The following SERPINB12 variants were observed in gnomAD, a reference collection of about 807,000 sequenced individuals.
The protein encoded by SERPINB12 is serpin B12.
A neutral mutation model predicts 41.1 loss-of-function variants in SERPINB12; 57 were observed. The ratio of observed to expected loss-of-function variants is 1.39; its 90% CI spans 1.12 to 1.73. SERPINB12 has a LOEUF of 1.73. SERPINB12 is among the 40% of genes most tolerant of loss of function. The probability of loss-of-function intolerance (pLI) is 0.00; values close to 1 mark genes in which losing one functional copy is unlikely to be tolerated. For missense variants in SERPINB12, 536 were observed against 501.9 expected (o/e 1.07, Z -0.65); for synonymous variants, 180 against 181.3 (o/e 0.99, Z 0.06).
At chr18:63,540,403 A>G (rs1475989574), upstream of SERPINB12, among the ~76,000 whole-genome samples, 1 of 152,168 alleles carries the variant, frequency 6.6e-6, no homozygotes, top group Non-Finnish European at 1.5e-5. Flanking sequence ...TAGATATTCT[A>G]TGCTAAGGAA....
chr18:63,535,734 G>T, the SERPINB12 span, among the ~76,000 whole-genome samples: 1 of 152,210 alleles, frequency 6.6e-6, no homozygotes, highest in African/African-American at 2.4e-5. Flanking sequence ...GCTATGGTTG[G>T]GTAAGAGCAT....
At chr18:63,526,155 T>A in the SERPINB12 span, among the ~76,000 whole-genome samples, 11 of 152,188 alleles carry the variant, frequency 7.2e-5, no homozygotes, top group Non-Finnish European at 1.5e-4. Context: ...ATTTAAACAC[T>A]TATTTTTTTC....
At chr18:63,527,885 T>A in the SERPINB12 span, among the ~76,000 whole-genome samples, 1 of 152,182 alleles carries the variant, frequency 6.6e-6, no homozygotes, top group Non-Finnish European at 1.5e-5. Context: ...GGGAGGGATC[T>A]GGTGAGAGGT....
chr18:63,527,254 T>C, the SERPINB12 span, among the ~76,000 whole-genome samples: 1 of 152,224 alleles, frequency 6.6e-6, no homozygotes, highest in East Asian at 1.9e-4. Flanking sequence ...TTTTATTTTA[T>C]GGCAGACCAA....
intron 5 of SERPINB12, among the ~76,000 whole-genome samples, chr18:63,563,179 G>A (rs145665410): frequency 6.6e-6 from 1 of 152,352 alleles, no homozygotes; most frequent in East Asian, 1.9e-4. Flanking sequence ...GAATGAGAAA[G>A]AGCATATAAA....
intron 6 of SERPINB12, among the ~76,000 whole-genome samples, 171 bp from the exon 7 acceptor site, chr18:63,565,274 G>A (rs138077677): frequency 1.9e-3 from 291 of 152,240 alleles, no homozygotes; most frequent in African/African-American, 6.7e-3. Flanking sequence ...GCAAAGTAAG[G>A]GCCACTGATG....
At chr18:63,536,734 A>G in the SERPINB12 span, among the ~76,000 whole-genome samples, 1 of 152,168 alleles carries the variant, frequency 6.6e-6, no homozygotes, top group Non-Finnish European at 1.5e-5. Flanking sequence ...TGTGCTAGGT[A>G]CTACATGGTG....
At chr18:63,546,696 G>T (rs1910395620) in intron 1 of SERPINB12, among the ~76,000 whole-genome samples, 1 of 152,134 alleles carries the variant, frequency 6.6e-6, no homozygotes, top group Non-Finnish European at 1.5e-5. Flanking sequence ...TATAAAATTG[G>T]AAAGAGCAAA....
At chr18:63,559,552 T>C (rs760722563) in intron 3 of SERPINB12, 26 bp from the exon 4 acceptor site, 1 of 1,612,778 alleles carries the variant, frequency 6.2e-7, no homozygotes, top group Non-Finnish European at 8.5e-7. Flanking sequence ...ACAGTGAAGG[T>C]CACATTTTGT....
chr18:63,556,301 A>C lies in SERPINB12; in HGVS notation c.142A>C (p.Ser48Arg). The change falls in exon 2 of 8, where the codon AGT becomes CGT. Residue 48 changes from serine (S) to arginine (R), a missense_variant. By Grantham distance (110) the Ser-to-Arg change is moderately radical. Transcript: ENST00000382768. ...ALGMVRLGAR[S>R]DSAHQIDEVL... ...TGGTATGGTACGCTTGGGTGCTAGAAGTGACAGTGCACATCAGATTGATGA... is the reference window on the plus strand; with the variant it reads ...TGGTATGGTACGCTTGGGTGCTAGACGTGACAGTGCACATCAGATTGATGA... 1 of 1,614,062 alleles carries C rather than the reference A, an allele frequency of 6.2e-7. No homozygotes were observed. Among genetic ancestry groups the C allele is most frequent in the East Asian group, 2.2e-5 (1 of 44,878 alleles).
chr18:63,538,274 C>T (rs150032823), upstream of SERPINB12, among the ~76,000 whole-genome samples: 1,856 of 152,188 alleles, frequency 0.012, 31 homozygotes, highest in Admixed American at 0.036. Context: ...CAGAGTTGTA[C>T]AGCCATAACC....
At chr18:63,555,973 C>T (rs1263547537) in intron 1 of SERPINB12, among the ~76,000 whole-genome samples, 169 bp from the exon 2 acceptor site, 1 of 152,158 alleles carries the variant, frequency 6.6e-6, no homozygotes, top group African/African-American at 2.4e-5. Flanking sequence ...CTATCAATAT[C>T]AACACCAATA....
the SERPINB12 span, among the ~76,000 whole-genome samples, chr18:63,528,396 A>AAATAAATAAATT: frequency 1.0e-4 from 15 of 146,394 alleles, no homozygotes; most frequent in Non-Finnish European, 2.1e-4. Flanking sequence ...TGAGAGCAAT[A>AAATAAATAAATT]AATAAATAAA....
chr18:63,566,480 C>T (rs1911100988), intron 7 of SERPINB12, 127 bp from the exon 8 acceptor site: 2 of 791,160 alleles, frequency 2.5e-6, no homozygotes, highest in Admixed American at 2.4e-5. Context: ...AGACTATTCT[C>T]TAGCTTAGGG....
chr18:63,529,949 A>G, the SERPINB12 span, among the ~76,000 whole-genome samples: 1 of 152,174 alleles, frequency 6.6e-6, no homozygotes, highest in African/African-American at 2.4e-5. Flanking sequence ...TAAAAAACCT[A>G]CAAGATGCAT....
At chr18:63,550,226 A>T (rs1249116378) in intron 1 of SERPINB12, among the ~76,000 whole-genome samples, 1 of 152,216 alleles carries the variant, frequency 6.6e-6, no homozygotes, top group African/African-American at 2.4e-5. Context: ...TTCAAGTTGT[A>T]GCTCACTAAG....
upstream of SERPINB12, among the ~76,000 whole-genome samples, chr18:63,541,237 C>T (rs796171582): frequency 6.6e-6 from 1 of 152,078 alleles, no homozygotes; most frequent in South Asian, 2.1e-4. Flanking sequence ...CTCTTATTAC[C>T]TGGTTTATAG....
intron 5 of SERPINB12, among the ~76,000 whole-genome samples, chr18:63,563,075 A>C (rs535365808): frequency 9.3e-4 from 141 of 152,296 alleles, no homozygotes; most frequent in African/African-American, 3.2e-3. Context: ...GTGTGACTTC[A>C]GCTCTCCCTG....
At chr18:63,559,023 T>TTTCC (rs1252415636) in intron 3 of SERPINB12, among the ~76,000 whole-genome samples, 6 of 66,214 alleles carry the variant, frequency 9.1e-5, no homozygotes, top group African/African-American at 1.3e-4. Context: ...TCTTTCTTTC[T>TTTCC]TTCTTTCTTT....
Sources: gnomAD v4.1 joint callset for allele counts (sites outside exome capture counted in the v4.1 genomes callset) on GRCh38, gnomAD v4.1.1 for gene constraint, MANE v1.5 for transcripts, NCBI Gene and HGNC (gene_info 2026-07-23, HGNC 2026-07-21) for gene names.